Variants in GLCE observed in about 807,000 individuals in gnomAD.
The protein encoded by GLCE is glucuronic acid epimerase.
GLCE carries 19 observed loss-of-function variants against 47.9 expected under a neutral mutation model. That is an observed-to-expected ratio of 0.40 (90% CI 0.28 to 0.58). The LOEUF (loss-of-function observed/expected upper bound fraction) is 0.58. GLCE is among the 20% of genes least tolerant of loss of function. GLCE has a pLI of 0.48. For missense variants in GLCE, 556 were observed against 743.3 expected, an observed-to-expected ratio of 0.75 and a Z score of 2.93; for synonymous variants, 245 against 263.4, an observed-to-expected ratio of 0.93 and a Z score of 0.68.
chr15:69,258,787 A>G (rs2052971822), intron 3 of GLCE, among the ~76,000 whole-genome samples: 1 of 152,228 alleles, frequency 6.6e-6, no homozygotes, highest in African/African-American at 2.4e-5. Context: ...AATTAAGATC[A>G]AGTGAATAAA....
At chr15:69,177,168 C>T (rs867686088) in intron 1 of GLCE, among the ~76,000 whole-genome samples, 3 of 152,072 alleles carry the variant, frequency 2.0e-5, no homozygotes, top group Admixed American at 6.6e-5. Context: ...TATAGGCATG[C>T]GCCACCACAC....
intron 2 of GLCE, among the ~76,000 whole-genome samples, chr15:69,234,451 A>G (rs747581049): frequency 2.6e-5 from 4 of 152,180 alleles, no homozygotes; most frequent in Non-Finnish European, 5.9e-5. Flanking sequence ...CTTTGTAAAT[A>G]ATCCTAGTGC....
intron 2 of GLCE, among the ~76,000 whole-genome samples, chr15:69,223,079 C>T (rs1209501015): frequency 1.3e-5 from 2 of 152,136 alleles, no homozygotes; most frequent in Non-Finnish European, 2.9e-5. Context: ...GCGGTAGTCT[C>T]TTAGGTTGTA....
At chr15:69,250,322 T>TG in intron 2 of GLCE, among the ~76,000 whole-genome samples, 1 of 152,268 alleles carries the variant, frequency 6.6e-6, no homozygotes, top group Non-Finnish European at 1.5e-5. Context: ...TATTTTTTAG[T>TG]TAATACTGTA....
At chr15:69,259,605 A>G (rs1338315579) in intron 3 of GLCE, among the ~76,000 whole-genome samples, 1 of 152,130 alleles carries the variant, frequency 6.6e-6, no homozygotes, top group African/African-American at 2.4e-5. Flanking sequence ...ACTGAGTTTG[A>G]TGGAATATTC....
intron 1 of GLCE, among the ~76,000 whole-genome samples, chr15:69,209,286 T>C (rs1439619938): frequency 6.6e-6 from 1 of 152,086 alleles, no homozygotes; most frequent in Non-Finnish European, 1.5e-5. Context: ...CCTGTGCAAG[T>C]TGAGTTTTTT....
intron 4 of GLCE, among the ~76,000 whole-genome samples, chr15:69,262,005 T>C (rs1464611688): frequency 6.6e-6 from 1 of 152,214 alleles, no homozygotes; most frequent in African/African-American, 2.4e-5. Flanking sequence ...ATAATTTTAG[T>C]TAGCACCTCA....
rs950295716 is a variant in GLCE at position 69,216,807 on chromosome 15, A to G, written c.-14+6401A>G. Among the ~76,000 whole-genome samples the G allele has an allele frequency of 4.6e-5, 7 of 152,268 alleles. No individual in the cohort carries two copies. In the Middle Eastern group the frequency reaches 0.01, roughly 222 times the overall value. ...TGCCTTAAAGGATAGCATTCCTGTCACATTATGTGAGTAATTATGATTGAT... is the reference window on the plus strand; with the variant it reads ...TGCCTTAAAGGATAGCATTCCTGTCGCATTATGTGAGTAATTATGATTGAT... On this transcript the variant is annotated intron_variant, in intron 2 of 4. Coordinates refer to ENST00000261858, the MANE Select transcript of GLCE (RefSeq NM_015554.3).
chr15:69,263,317 G>A (rs2053039682), intron 4 of GLCE, among the ~76,000 whole-genome samples: 1 of 152,130 alleles, frequency 6.6e-6, no homozygotes, highest in Non-Finnish European at 1.5e-5. Context: ...TAGACCTCAT[G>A]GGAGATAAAT....
intron 1 of GLCE, among the ~76,000 whole-genome samples, chr15:69,183,311 AG>A (rs1457509911): frequency 2.0e-5 from 3 of 152,220 alleles, no homozygotes; most frequent in African/African-American, 7.2e-5. Context: ...GAACGGCTAC[AG>A]TCTGATGATG....
intron 4 of GLCE, among the ~76,000 whole-genome samples, chr15:69,264,785 C>T: frequency 6.6e-6 from 1 of 152,038 alleles, no homozygotes; most frequent in South Asian, 2.1e-4. Context: ...ATTTATTTCC[C>T]TCGTGATTAA....
chr15:69,189,707 G>T (rs2051885074), intron 1 of GLCE, among the ~76,000 whole-genome samples: 1 of 152,002 alleles, frequency 6.6e-6, no homozygotes, highest in Non-Finnish European at 1.5e-5. Context: ...GTACGTGTAT[G>T]TTTTTCATTC....
chr15:69,191,872 T>G (rs968883645), intron 1 of GLCE, among the ~76,000 whole-genome samples: 3 of 152,144 alleles, frequency 2.0e-5, no homozygotes, highest in Non-Finnish European at 4.4e-5. Flanking sequence ...TGCCTTGTTT[T>G]TTTCCTTTTC....
At chr15:69,199,461 A>G (rs1243093297) in intron 1 of GLCE, among the ~76,000 whole-genome samples, 1 of 152,198 alleles carries the variant, frequency 6.6e-6, no homozygotes, top group Non-Finnish European at 1.5e-5. Flanking sequence ...ATAAGATTTT[A>G]ACAGGTAGGA....
At chr15:69,266,221 G>T (rs1326328749) in intron 4 of GLCE, among the ~76,000 whole-genome samples, 4 of 152,138 alleles carry the variant, frequency 2.6e-5, no homozygotes, top group Non-Finnish European at 5.9e-5. Context: ...AGAGCCTTGG[G>T]ACAAATATAA....
At position 69,261,167 on chromosome 15, in the gene GLCE, A is replaced by C. The variant is rs770994860; in HGVS notation, c.667A>C (p.Ser223Arg). 1.9e-6 allele frequency: 3 copies of C among 1,614,014 alleles called. No homozygotes were observed. The South Asian group carries it at 3.3e-5, about 18-fold the overall frequency. Residue 223 changes from serine (S) to arginine (R), a missense_variant, in exon 4 of 5, where the codon AGC (serine) becomes CGC (arginine). Physicochemically the swap from Ser to Arg is moderately radical, Grantham distance 110. Around this residue, in one of 3 missense-constraint regions of GLCE, gnomAD observed 237 missense variants for 310.9 expected, o/e 0.76. Transcript: ENST00000261858. ...QIAQYGLSHY[S>R]KNLTEKPPHI... ...TGCACAGTATGGATTAAGTCATTAC[A>C]GCAAGAATCTAACTGAGAAACCTCC...
intron 2 of GLCE, among the ~76,000 whole-genome samples, chr15:69,229,357 T>C (rs2052489595): frequency 6.6e-6 from 1 of 152,180 alleles, no homozygotes; most frequent in South Asian, 2.1e-4. Context: ...GCCCACAATG[T>C]TTCCAGGCCA....
At chr15:69,165,526 T>TTA (rs1439711779) in intron 1 of GLCE, among the ~76,000 whole-genome samples, 40 of 147,598 alleles carry the variant, frequency 2.7e-4, no homozygotes, top group Admixed American at 7.4e-4. Context: ...TTTTTTTTTT[T>TTA]AGCTCTTTTT....
intron 1 of GLCE, among the ~76,000 whole-genome samples, chr15:69,179,911 T>C (rs2051727286): frequency 6.6e-6 from 1 of 152,126 alleles, no homozygotes; most frequent in African/African-American, 2.4e-5. Flanking sequence ...TGCTTGAGCC[T>C]GGGAAGTGGA....
Sources: allele counts gnomAD v4.1 joint callset (sites outside exome capture counted in the v4.1 genomes callset), GRCh38; gene constraint gnomAD v4.1.1; regional missense constraint gnomAD v4.1.1; transcripts MANE v1.5; gene names NCBI Gene and HGNC (gene_info 2026-07-23, HGNC 2026-07-21).